The following LRRTM3 variants were observed in gnomAD, a reference collection of about 807,000 sequenced individuals.
LRRTM3 encodes the protein leucine-rich repeat transmembrane neuronal protein 3.
Under a neutral mutation model 44.7 loss-of-function variants are expected in LRRTM3, and 24 were observed. The ratio of observed to expected loss-of-function variants is 0.54; its 90% CI spans 0.39 to 0.76. The LOEUF is 0.76. Ranked by LOEUF, LRRTM3 falls within the 30% of genes least tolerant of loss-of-function variation. LRRTM3 has a pLI of 0.00. For missense variants in LRRTM3, 587 were observed against 702.2 expected (o/e 0.84, Z 1.85); for synonymous variants, 277 against 278.7 (o/e 0.99, Z 0.06).
intron 2 of LRRTM3, among the ~76,000 whole-genome samples, chr10:67,047,978 G>C (rs1392443838): frequency 6.6e-6 from 1 of 152,086 alleles, no homozygotes; most frequent in Admixed American, 6.5e-5. Flanking sequence ...GATTGAGCAA[G>C]GGGAATATTA....
intron 2 of LRRTM3, among the ~76,000 whole-genome samples, chr10:67,088,804 G>T (rs1564883124): frequency 6.6e-6 from 1 of 151,920 alleles, no homozygotes; most frequent in African/African-American, 2.4e-5. Flanking sequence ...TTGAAAATCT[G>T]CAAATTTATA....
intron 2 of LRRTM3, among the ~76,000 whole-genome samples, chr10:67,005,929 G>A (rs1310393719): frequency 2.0e-5 from 3 of 151,720 alleles, no homozygotes; most frequent in Middle Eastern, 3.4e-3. Context: ...CAGGTGACCT[G>A]CCTGCCTTGG....
intron 2 of LRRTM3, among the ~76,000 whole-genome samples, chr10:66,947,516 C>A (rs1469723616): frequency 1.9e-4 from 29 of 151,942 alleles, no homozygotes. Context: ...CTCTTTGTTT[C>A]CCCCACCCTC....
At chr10:66,956,524 C>G (rs762652626) in intron 2 of LRRTM3, among the ~76,000 whole-genome samples, 3 of 152,068 alleles carry the variant, frequency 2.0e-5, no homozygotes, top group Non-Finnish European at 4.4e-5. Flanking sequence ...TACTCCTTAG[C>G]AAGGAGGAGG....
chr10:67,019,145 C>A (rs1852835152), intron 2 of LRRTM3, among the ~76,000 whole-genome samples: 1 of 152,152 alleles, frequency 6.6e-6, no homozygotes, highest in South Asian at 2.1e-4. Flanking sequence ...AACAGGATAT[C>A]AATACTACCT....
chr10:67,068,281 A>G (rs1173413691), intron 2 of LRRTM3, among the ~76,000 whole-genome samples: 1 of 152,220 alleles, frequency 6.6e-6, no homozygotes, highest in East Asian at 1.9e-4. Context: ...AATAGCTCCA[A>G]GGCTGCATAA....
In LRRTM3 at chr10:67,019,739, A is replaced by T. The variant is rs559116954; in HGVS notation, c.1537-77848A>T. On this transcript the variant is annotated intron_variant, in intron 2 of 2. Transcript: ENST00000361320. ...AAATAGTCTTAAAATAACCTCAGTT[A>T]ATCCTTTGTCTCCATGAATACCATC... is the stretch of plus-strand genomic sequence containing the variant. Among the ~76,000 whole-genome samples the T allele has an allele frequency of 1.1e-4, 17 of 152,262 alleles. No individual in the cohort carries two copies. The East Asian group carries it at 2.3e-3, about 21-fold the overall frequency.
At chr10:67,047,169 C>T (rs968958919) in intron 2 of LRRTM3, among the ~76,000 whole-genome samples, 1 of 152,144 alleles carries the variant, frequency 6.6e-6, no homozygotes, top group African/African-American at 2.4e-5. Context: ...TAGTACAATG[C>T]TTCAATCCTT....
chr10:67,044,722 A>G (rs1433858794), intron 2 of LRRTM3, among the ~76,000 whole-genome samples: 5 of 152,230 alleles, frequency 3.3e-5, no homozygotes, highest in African/African-American at 4.8e-5. Context: ...TAGGGATGTT[A>G]TAAGGATAAA....
intron 2 of LRRTM3, among the ~76,000 whole-genome samples, chr10:67,085,275 C>A (rs999199872): frequency 1.5e-4 from 22 of 151,090 alleles, no homozygotes; most frequent in African/African-American, 5.1e-4. Context: ...TAATAGTAAT[C>A]AAAAATATGA....
intron 2 of LRRTM3, among the ~76,000 whole-genome samples, chr10:67,070,483 T>C (rs554051120): frequency 1.3e-5 from 2 of 152,254 alleles, no homozygotes; most frequent in East Asian, 3.9e-4. Flanking sequence ...GAGCAGTGTC[T>C]CGTGCCTGTA....
intron 2 of LRRTM3, among the ~76,000 whole-genome samples, chr10:67,002,279 C>A (rs1469451059): frequency 1.3e-5 from 2 of 152,138 alleles, no homozygotes; most frequent in African/African-American, 2.4e-5. Flanking sequence ...ACTGCCCTCG[C>A]CTTTGCCAAA....
At chr10:66,966,627 C>A (rs369156687) in intron 2 of LRRTM3, among the ~76,000 whole-genome samples, 1 of 151,886 alleles carries the variant, frequency 6.6e-6, no homozygotes, top group East Asian at 1.9e-4. Context: ...ACCTAATTTA[C>A]GGCGAGGGGG....
intron 2 of LRRTM3, among the ~76,000 whole-genome samples, chr10:67,053,528 A>G (rs1334063707): frequency 6.6e-6 from 1 of 152,182 alleles, no homozygotes; most frequent in Non-Finnish European, 1.5e-5. Flanking sequence ...CTTGAAATAG[A>G]GTTAGCATTA....
At chr10:67,007,945 A>G (rs1389092969) in intron 2 of LRRTM3, among the ~76,000 whole-genome samples, 3 of 152,060 alleles carry the variant, frequency 2.0e-5, no homozygotes, top group African/African-American at 7.2e-5. Flanking sequence ...GTTTTGTTAA[A>G]ATGGACTCAA....
At chr10:66,957,870 C>T (rs1433614295) in intron 2 of LRRTM3, among the ~76,000 whole-genome samples, 1 of 152,034 alleles carries the variant, frequency 6.6e-6, no homozygotes, top group Non-Finnish European at 1.5e-5. Context: ...AATTAGAGTT[C>T]TCCTTTCTCT....
intron 2 of LRRTM3, among the ~76,000 whole-genome samples, chr10:67,055,629 T>C (rs1463489704): frequency 6.6e-6 from 1 of 152,158 alleles, no homozygotes; most frequent in East Asian, 1.9e-4. Context: ...AGGCAGACAA[T>C]GCTTCAGAAA....
intron 2 of LRRTM3, among the ~76,000 whole-genome samples, chr10:66,958,136 T>C (rs967302354): frequency 4.6e-5 from 7 of 152,120 alleles, no homozygotes; most frequent in Admixed American, 1.3e-4. Context: ...CCAGATAATC[T>C]CAGGAGTTTA....
chr10:67,075,694 A>C (rs562531306), intron 2 of LRRTM3, among the ~76,000 whole-genome samples: 2 of 152,330 alleles, frequency 1.3e-5, no homozygotes, highest in South Asian at 2.1e-4. Context: ...CACTACTATT[A>C]ATTGCATTGA....
Sources: allele counts gnomAD v4.1 joint callset (sites outside exome capture counted in the v4.1 genomes callset), GRCh38; gene constraint gnomAD v4.1.1; transcripts MANE v1.5; gene names NCBI Gene and HGNC (gene_info 2026-07-23, HGNC 2026-07-21).